ABCB7: variants seen among roughly 807,000 people sequenced by gnomAD.
The protein encoded by ABCB7 is iron-sulfur clusters transporter ABCB7, mitochondrial.
A neutral mutation model predicts 54.4 loss-of-function variants in ABCB7; 7 were observed. The observed-to-expected ratio is 0.13, with a 90% CI of 0.07 to 0.24. The LOEUF (loss-of-function observed/expected upper bound fraction) is 0.24, where lower values mean the gene tolerates loss of function less well. Among genes scored for constraint, ABCB7 ranks in the 10% least tolerant of loss-of-function variants. ABCB7 has a pLI of 1.00. For missense variants in ABCB7, 356 were observed against 570.4 expected (o/e 0.62, Z 3.83); for synonymous variants, 218 against 207.1 (o/e 1.05, Z -0.45).
intron 4 of ABCB7, among the ~76,000 whole-genome samples, chrX:75,090,272 C>G (rs1329726564): frequency 9.2e-6 from 1 of 109,272 alleles, no homozygotes; most frequent in Non-Finnish European, 1.9e-5. Flanking sequence ...CACACCTTTA[C>G]AAATTTTTAA....
At chrX:75,132,910 C>A (rs1008740699) in intron 1 of ABCB7, among the ~76,000 whole-genome samples, 2 of 111,646 alleles carry the variant, frequency 1.8e-5, no homozygotes, top group African/African-American at 6.5e-5. Context: ...ACTCTGGCAA[C>A]TCTAAAGGCC....
intron 3 of ABCB7, among the ~76,000 whole-genome samples, chrX:75,108,581 G>GAA (rs776151797): frequency 0.013 from 938 of 69,909 alleles, 8 homozygotes; most frequent in African/African-American, 0.044. Context: ...ATTAGATCCA[G>GAA]AAAAAAAAAA....
intron 3 of ABCB7, among the ~76,000 whole-genome samples, chrX:75,101,409 G>A (rs970642246): frequency 3.6e-5 from 4 of 110,069 alleles, no homozygotes; most frequent in African/African-American, 9.9e-5. Context: ...GCAGTTTATC[G>A]CATAAAGAGT....
chrX:75,099,625 T>G (rs984487688), intron 3 of ABCB7, among the ~76,000 whole-genome samples: 12 of 111,115 alleles, frequency 1.1e-4, no homozygotes, highest in Non-Finnish European at 2.3e-4. Context: ...CTGATCTAAA[T>G]CCATCTCACA....
intron 14 of ABCB7, among the ~76,000 whole-genome samples, chrX:75,061,105 T>C (rs1322291242): frequency 9.0e-6 from 1 of 111,709 alleles, no homozygotes. Context: ...AGATCTTATT[T>C]TACTAGGGCA....
At chrX:75,106,471 G>A (rs903118171) in intron 3 of ABCB7, among the ~76,000 whole-genome samples, 3 of 112,079 alleles carry the variant, frequency 2.7e-5, no homozygotes, top group Non-Finnish European at 5.6e-5. Context: ...AGATGTTGGT[G>A]AGGATGTAGT....
At chrX:75,130,686 A>C (rs965757247) in intron 1 of ABCB7, among the ~76,000 whole-genome samples, 3 of 111,723 alleles carry the variant, frequency 2.7e-5, no homozygotes, top group African/African-American at 9.8e-5. Flanking sequence ...AAAGCATATA[A>C]AGGCATATGC....
Position 75,099,045 on chromosome X carries a change from G to A in ABCB7, c.350C>T (p.Thr117Ile). The change falls in exon 4 of 16, where the codon ACT (threonine) becomes ATT (isoleucine). Residue 117 changes from threonine to isoleucine, a missense_variant. Transcript: ENST00000373394. ...AAGCATTGCTTTTATGATTTTCCGA[G>A]TATCAACATCTTTTAACTATTGAAA... Reference protein sequence around the residue: ...DPKEGLKDVDTRKIIKAMLSY... With the variant: ...DPKEGLKDVDIRKIIKAMLSY... 8.3e-7 allele frequency: 1 copy of A among 1,209,454 alleles called. No individual in the cohort carries two copies. Among genetic ancestry groups the A allele is most frequent in the Non-Finnish European group, 1.1e-6 (1 of 893,785 alleles).
intron 1 of ABCB7, among the ~76,000 whole-genome samples, chrX:75,120,930 T>TTAAAAAAGTC (rs2081872698): frequency 9.1e-6 from 1 of 110,495 alleles, no homozygotes; most frequent in African/African-American, 3.3e-5. Flanking sequence ...CATGACTGGG[T>TTAAAAAAGTC]TTGGCTTTAA....
intron 4 of ABCB7, among the ~76,000 whole-genome samples, chrX:75,088,423 G>T (rs893114185): frequency 1.8e-5 from 2 of 112,145 alleles, no homozygotes; most frequent in Non-Finnish European, 3.8e-5. Context: ...CAGACAGCAT[G>T]CAAGAAAAGA....
chrX:75,145,707 AT>A (rs2082085694), intron 1 of ABCB7, among the ~76,000 whole-genome samples: 1 of 111,775 alleles, frequency 8.9e-6, no homozygotes, highest in Non-Finnish European at 1.9e-5. Flanking sequence ...CACCACTCCT[AT>A]TCAACACAGT....
At chrX:75,122,008 G>A (rs2081882997) in intron 1 of ABCB7, among the ~76,000 whole-genome samples, 2 of 110,993 alleles carry the variant, frequency 1.8e-5, no homozygotes, top group African/African-American at 6.6e-5. Context: ...AGGATTAAGG[G>A]TTCTCTTATA....
At chrX:75,077,211 G>A (rs2081418133) in intron 4 of ABCB7, among the ~76,000 whole-genome samples, 1 of 111,838 alleles carries the variant, frequency 8.9e-6, no homozygotes, top group Admixed American at 9.5e-5. Flanking sequence ...GTATATGTTG[G>A]CTGATTCACC....
intron 1 of ABCB7, among the ~76,000 whole-genome samples, chrX:75,148,976 T>C (rs1424628325): frequency 8.9e-6 from 1 of 111,777 alleles, no homozygotes; most frequent in Admixed American, 9.6e-5. Context: ...TATGAATATA[T>C]TACAATATTA....
At chrX:75,065,023 T>C (rs1331170737) in intron 13 of ABCB7, 47 bp downstream of exon 13, 1 of 1,192,382 alleles carries the variant, frequency 8.4e-7, no homozygotes, top group Non-Finnish European at 1.1e-6. Context: ...AAATTAGAGT[T>C]TGAAAGAAGT....
In ABCB7 at chrX:75,146,931, TCTA is replaced by T. The variant is rs1449463772; in HGVS notation, c.168+9171_168+9173del. Among the ~76,000 whole-genome samples, 15 of 13,302 alleles carry T rather than the reference TCTA, an allele frequency of 1.1e-3. No homozygotes were observed. The Non-Finnish European group carries it at 0.035, about 31-fold the overall frequency. The allele number at this position is 13,302 out of a possible 115,157, so 11.6% of individuals were successfully genotyped here. ...TTGCAAATTATGCGTCCAACAAAGC[TCTA>T]ATAATATCCAGCATCTATAAGGAAC... On this transcript the variant is annotated intron_variant, in intron 1 of 15. Coordinates refer to ENST00000373394, the MANE Select transcript of ABCB7 (RefSeq NM_001271696.3).
At chrX:75,152,787 G>T (rs1426629960) in intron 1 of ABCB7, among the ~76,000 whole-genome samples, 1 of 108,557 alleles carries the variant, frequency 9.2e-6, no homozygotes, top group Non-Finnish European at 1.9e-5. Context: ...AGTCTCCTGA[G>T]TAGCTGTAGT....
chrX:75,059,006 A>T lies in ABCB7; in HGVS notation c.2043+1217T>A, dbSNP rs1206856749. Among the ~76,000 whole-genome samples, 3 of 111,593 alleles carry T rather than the reference A, an allele frequency of 2.7e-5. No homozygotes were observed. In the Admixed American group the frequency reaches 2.9e-4, roughly 11 times the overall value. On this transcript the variant is annotated intron_variant, in intron 15 of 15. Transcript: ENST00000373394. ...AATGAATATAAATATTTAAGAACAA[A>T]CCAACAGAAAGGCCTAGGGTCACAA...
At chrX:75,139,148 T>C (rs1371216091) in intron 1 of ABCB7, among the ~76,000 whole-genome samples, 1 of 110,826 alleles carries the variant, frequency 9.0e-6, no homozygotes, top group Non-Finnish European at 1.9e-5. Context: ...TGTATACCAC[T>C]GATTAATCTT....
Sources: allele counts gnomAD v4.1 joint callset (sites outside exome capture counted in the v4.1 genomes callset), GRCh38; gene constraint gnomAD v4.1.1; transcripts MANE v1.5; gene names NCBI Gene and HGNC (gene_info 2026-07-23, HGNC 2026-07-21).